Variants in CELF2 observed in about 807,000 individuals in gnomAD.
The protein encoded by CELF2 is CUGBP Elav-like family member 2.
Under a neutral mutation model 62.6 loss-of-function variants are expected in CELF2, and 8 were observed. The observed-to-expected ratio is 0.13, with a 90% CI of 0.07 to 0.23. The LOEUF is 0.23. Among genes scored for constraint, CELF2 ranks in the 10% least tolerant of loss-of-function variants. The pLI is 1.00. For synonymous variants in CELF2, 258 were observed against 250.0 expected, an observed-to-expected ratio of 1.03 and a Z score of -0.30; for missense variants, 333 against 671.0, an observed-to-expected ratio of 0.50 and a Z score of 5.56.
At chr10:10,725,482 C>T in the CELF2 span, among the ~76,000 whole-genome samples, 1 of 152,172 alleles carries the variant, frequency 6.6e-6, no homozygotes, top group South Asian at 2.1e-4. Context: ...GGCTGGTGGT[C>T]CTCCTTAGAC....
intron 1 of CELF2, among the ~76,000 whole-genome samples, chr10:11,137,271 T>C (rs1157275745): frequency 2.0e-5 from 3 of 152,202 alleles, no homozygotes; most frequent in Non-Finnish European, 4.4e-5. Flanking sequence ...CTGGAGTCAA[T>C]AGAGTAGAGT....
In CELF2 at chr10:11,269,207, T is replaced by C. The variant is rs2083027154; in HGVS notation, c.619-1459T>C. Among the ~76,000 whole-genome samples the C allele has an allele frequency of 6.6e-6, 1 of 152,178 alleles. No homozygotes were observed. The highest frequency in any genetic ancestry group is 1.5e-5 in the Non-Finnish European group (1 of 68,038). On this transcript the variant is annotated intron_variant, in intron 6 of 12. Coordinates refer to ENST00000633077, the MANE Select transcript of CELF2 (RefSeq NM_001326342.2). The surrounding 1 kb of genome is among the most constrained non-coding windows in gnomAD (Gnocchi z 4.4). Reference sequence around the variant, plus strand: ...GATACAGAAAAAAATGAATTACAGATTTTTTTAAATGATGGAAATACTATT... The same window carrying C: ...GATACAGAAAAAAATGAATTACAGACTTTTTTAAATGATGGAAATACTATT...
At chr10:10,732,427 G>C in the CELF2 span, among the ~76,000 whole-genome samples, 1 of 151,690 alleles carries the variant, frequency 6.6e-6, no homozygotes, top group African/African-American at 2.4e-5. Flanking sequence ...GCTAGGAGCT[G>C]CCTCTCCCTC....
In CELF2 at chr10:11,223,061, T is replaced by C. The variant is rs928665433; in HGVS notation, c.354+5554T>C. On this transcript the variant is annotated intron_variant, in intron 3 of 12. Coordinates refer to ENST00000633077, the MANE Select transcript of CELF2 (RefSeq NM_001326342.2). The surrounding 1 kb of genome is among the most constrained non-coding windows in gnomAD (Gnocchi z 5.1). Reference sequence around the variant, plus strand: ...AATTACTTTGTAGCGAACTTTCTTATTTGAGGCTTCACCAACGATCTCAGT... The same window carrying C: ...AATTACTTTGTAGCGAACTTTCTTACTTGAGGCTTCACCAACGATCTCAGT... 2.6e-5 allele frequency among the ~76,000 whole-genome samples: 4 copies of C among 152,240 alleles called. No individual in the cohort carries two copies. The highest frequency in any genetic ancestry group is 9.6e-5 in the African/African-American group (4 of 41,462).
At chr10:10,657,029 A>C in the CELF2 span, among the ~76,000 whole-genome samples, 2 of 152,170 alleles carry the variant, frequency 1.3e-5, no homozygotes, top group Non-Finnish European at 2.9e-5. Flanking sequence ...ATATTCATCA[A>C]TGGATGAATG....
At position 11,288,994 on chromosome 10, in the gene CELF2, TAAA is replaced by T. The variant is rs1590777713; in HGVS notation, c.976+444_976+446del. ...CAACTCCATCCATCACATTTGATTT[TAAA>T]ATCCACGGTCCAGTAAGGAACATGT... On this transcript the variant is annotated intron_variant, in intron 9 of 12. Transcript: ENST00000633077. Among the ~76,000 whole-genome samples, 4 of 152,372 alleles carry T rather than the reference TAAA, an allele frequency of 2.6e-5. No individual in the cohort carries two copies. In the East Asian group the frequency reaches 7.7e-4, roughly 29 times the overall value.
the CELF2 span, among the ~76,000 whole-genome samples, chr10:10,558,899 A>G: frequency 3.5e-4 from 54 of 152,318 alleles, no homozygotes; most frequent in African/African-American, 1.2e-3. Flanking sequence ...AAATGCAGCT[A>G]GTCCGAACAG....
intron 1 of CELF2, among the ~76,000 whole-genome samples, chr10:10,854,732 CCT>C (rs1461747656): frequency 6.6e-6 from 1 of 151,938 alleles, no homozygotes; most frequent in Admixed American, 6.6e-5. Flanking sequence ...AATTCTCACC[CCT>C]GTCTTGTGGT....
At chr10:10,790,539 T>C in the CELF2 span, among the ~76,000 whole-genome samples, 4 of 152,216 alleles carry the variant, frequency 2.6e-5, no homozygotes, top group African/African-American at 9.6e-5. Flanking sequence ...TTTTCCTTTA[T>C]AAAGGACAAA....
At chr10:10,847,712 C>T (rs1170631830) in intron 1 of CELF2, among the ~76,000 whole-genome samples, 2 of 152,328 alleles carry the variant, frequency 1.3e-5, no homozygotes, top group East Asian at 3.9e-4. Context: ...CAGTGGCTCT[C>T]AGCTCTCATT....
intron 12 of CELF2, among the ~76,000 whole-genome samples, chr10:11,327,908 G>A (rs540423407): frequency 3.9e-5 from 6 of 152,180 alleles, no homozygotes; most frequent in South Asian, 2.1e-4. Flanking sequence ...AGAACCTTCC[G>A]AACAGCTGAC....
chr10:11,169,216 A>G (rs563164705), intron 2 of CELF2: 1 of 152,188 alleles, frequency 6.6e-6, no homozygotes, highest in East Asian at 1.9e-4. Flanking sequence ...ATCTCCATCA[A>G]TGTCTCCAAG....
the CELF2 span, among the ~76,000 whole-genome samples, chr10:10,701,499 C>T: frequency 6.6e-6 from 1 of 152,250 alleles, no homozygotes; most frequent in Admixed American, 6.5e-5. Context: ...GGTTACAATG[C>T]TGTCACAGCG....
At position 11,328,624 on chromosome 10, in the gene CELF2, G is replaced by A. The variant is rs535547974; in HGVS notation, c.1439-302G>A. Reference sequence around the variant, plus strand: ...GGACTTGAAACACAATGATTTGAGCGAGTTCAGTAAGTGGAACTGAATTCA... The same window carrying A: ...GGACTTGAAACACAATGATTTGAGCAAGTTCAGTAAGTGGAACTGAATTCA... On this transcript the variant is annotated intron_variant, in intron 12 of 12. Transcript: ENST00000633077. The surrounding 1 kb of genome is among the most constrained non-coding windows in gnomAD (Gnocchi z 6.4). Among the ~76,000 whole-genome samples the A allele has an allele frequency of 1.3e-3, 199 of 152,336 alleles. No homozygotes were observed. Among genetic ancestry groups the A allele is most frequent in the South Asian group, 4.6e-3 (22 of 4,832 alleles).
the CELF2 span, among the ~76,000 whole-genome samples, chr10:10,612,183 G>GA: frequency 1.3e-5 from 2 of 151,972 alleles, no homozygotes; most frequent in Admixed American, 6.6e-5. Context: ...GGGGAACTAT[G>GA]AAAAAAATCT....
chr10:10,776,861 C>G, the CELF2 span, among the ~76,000 whole-genome samples: 9 of 152,380 alleles, frequency 5.9e-5, no homozygotes, highest in East Asian at 1.7e-3. Context: ...GGCCACTTGG[C>G]TTCCTGCTGT....
chr10:10,958,773 G>A (rs960146820), intron 2 of CELF2, among the ~76,000 whole-genome samples: 5 of 152,090 alleles, frequency 3.3e-5, no homozygotes, highest in Non-Finnish European at 5.9e-5. Flanking sequence ...GAGCCCAGGA[G>A]TTTGAAGCTG....
At position 10,983,649 on chromosome 10, in the gene CELF2, C is replaced by A. The variant is rs961511735; in HGVS notation, c.89+63650C>A. 6.6e-6 allele frequency among the ~76,000 whole-genome samples: 1 copy of A among 152,212 alleles called. No individual in the cohort carries two copies. The highest frequency in any genetic ancestry group is 2.4e-5 in the African/African-American group (1 of 41,440). ...GTGGCACAATCTTGGCTCACTGCAA[C>A]CTCCACCTCCCAGGTTCAAGCGATT... On this transcript the variant is annotated intron_variant, in intron 2 of 13. Coordinates refer to the CELF2 transcript ENST00000636488. This position sits in a 1 kb window ranked among gnomAD's most constrained non-coding sequence, Gnocchi z 5.2.
the CELF2 span, among the ~76,000 whole-genome samples, chr10:10,712,266 G>A: frequency 0.01 from 1,516 of 150,920 alleles, 27 homozygotes; most frequent in African/African-American, 0.035. Flanking sequence ...CCATCCATCA[G>A]AGAAGCTTTG....
Sources: allele counts gnomAD v4.1 joint callset (sites outside exome capture counted in the v4.1 genomes callset), GRCh38; gene constraint gnomAD v4.1.1; non-coding constraint Gnocchi (gnomAD v3.1); transcripts MANE v1.5; gene names NCBI Gene and HGNC (gene_info 2026-07-23, HGNC 2026-07-21).